The following PIK3CB variants were observed in gnomAD, a reference collection of about 807,000 sequenced individuals.
PIK3CB encodes phosphatidylinositol-4,5-bisphosphate 3-kinase catalytic subunit beta.
In PIK3CB, 39 loss-of-function variants were observed where a neutral mutation model predicts 136.8. That is an observed-to-expected ratio of 0.29 (90% CI 0.22 to 0.37). PIK3CB has a LOEUF of 0.37. Among genes scored for constraint, PIK3CB ranks in the 10% least tolerant of loss-of-function variants. The pLI is 1.00. For synonymous variants in PIK3CB, 428 were observed against 436.6 expected, an observed-to-expected ratio of 0.98 and a Z score of 0.25; for missense variants, 868 against 1,275.4, an observed-to-expected ratio of 0.68 and a Z score of 4.87.
At chr3:138,785,825 T>TAA (rs1039124528) in intron 2 of PIK3CB, among the ~76,000 whole-genome samples, 3 of 117,168 alleles carry the variant, frequency 2.6e-5, no homozygotes, top group Non-Finnish European at 5.5e-5. Flanking sequence ...AATAAATACT[T>TAA]AAAAAAAAAA....
At chr3:138,754,310 T>C (rs2108714924) in intron 4 of PIK3CB, among the ~76,000 whole-genome samples, 1 of 152,124 alleles carries the variant, frequency 6.6e-6, no homozygotes, top group East Asian at 1.9e-4. Context: ...GGCTTGCATC[T>C]GTATGTAGTC....
At chr3:138,795,408 ATCACCTGAGG>A (rs2046098488) in intron 2 of PIK3CB, among the ~76,000 whole-genome samples, 1 of 151,572 alleles carries the variant, frequency 6.6e-6, no homozygotes, top group Admixed American at 6.6e-5. Flanking sequence ...AGGCGGGCAG[ATCACCTGAGG>A]TCAGCAGTTC....
intron 1 of PIK3CB, among the ~76,000 whole-genome samples, chr3:138,806,021 C>T (rs990902340): frequency 6.6e-6 from 1 of 151,998 alleles, no homozygotes; most frequent in African/African-American, 2.4e-5. Context: ...AGCCACCGCG[C>T]CCGGCCCCAT....
rs377269764 is a variant in PIK3CB at position 138,733,559 on chromosome 3, AC to A, written c.973-122del. On this transcript the variant is annotated intron_variant, in intron 7 of 23. Coordinates refer to ENST00000674063, the MANE Select transcript of PIK3CB (RefSeq NM_006219.3). ...CAAAACTATGAAAATAGAGCTCTAA[AC>A]TAACAACTGAAAGTCACATATACTA... The A allele has an allele frequency of 4.0e-4, 215 of 540,344 alleles. No individual in the cohort carries two copies. In the East Asian group the frequency reaches 6.4e-3, roughly 16 times the overall value. 33.5% of individuals were successfully genotyped at this position (540,344 alleles called of 1,614,324 possible).
intron 8 of PIK3CB, among the ~76,000 whole-genome samples, chr3:138,722,221 G>C (rs1360927923): frequency 1.9e-4 from 27 of 144,222 alleles, no homozygotes; most frequent in Non-Finnish European, 2.4e-4. Flanking sequence ...CTATGTAAGA[G>C]ACACACACAC....
chr3:138,742,565 T>A lies in PIK3CB; in HGVS notation c.614A>T (p.Asn205Ile). ...AAAAAAATATAATCCTACCTGGCAGTTTTCAAAATGAACAGCTACGATGAG... is the reference window on the plus strand; with the variant it reads ...AAAAAAATATAATCCTACCTGGCAGATTTCAAAATGAACAGCTACGATGAG... The part of the protein sequence containing the change: ...GKLIVAVHFE[N>I]CQDVFSFQVS... The change falls in exon 5 of 24, where the codon AAC (asparagine) becomes ATC (isoleucine). Residue 205 changes from asparagine to isoleucine, a missense_variant. By Grantham distance (149) the Asn-to-Ile change is moderately radical. Coordinates refer to ENST00000674063, the MANE Select transcript of PIK3CB (RefSeq NM_006219.3). 6.7e-7 allele frequency: 1 copy of A among 1,498,258 alleles called. No homozygotes were observed. The highest frequency in any genetic ancestry group is 9.2e-7 in the Non-Finnish European group (1 of 1,089,306). 92.8% of individuals were successfully genotyped at this position (1,498,258 alleles called of 1,614,324 possible).
chr3:138,684,979 C>T (rs995957589), intron 16 of PIK3CB, 176 bp from the exon 17 acceptor site: 4 of 519,324 alleles, frequency 7.7e-6, no homozygotes, highest in Admixed American at 7.2e-5. Context: ...ATACAATAAA[C>T]TTATTTTTAA....
intron 6 of PIK3CB, among the ~76,000 whole-genome samples, chr3:138,737,286 G>C (rs1032979656): frequency 6.6e-6 from 1 of 150,650 alleles, no homozygotes; most frequent in South Asian, 2.1e-4. Flanking sequence ...CCAACTACTC[G>C]GGTGGCTGAG....
At chr3:138,659,570 C>T (rs1485428381) in intron 21 of PIK3CB, among the ~76,000 whole-genome samples, 3 of 151,934 alleles carry the variant, frequency 2.0e-5, no homozygotes, top group Admixed American at 2.0e-4. Context: ...ATCATTTTCC[C>T]TCAAAATTAT....
chr3:138,731,684 C>G (rs1451004549), intron 8 of PIK3CB, among the ~76,000 whole-genome samples: 1 of 151,782 alleles, frequency 6.6e-6, no homozygotes, highest in African/African-American at 2.4e-5. Flanking sequence ...TAAACATGCT[C>G]ATTAAAAAGA....
chr3:138,828,307 T>TC (rs971397758), intron 1 of PIK3CB, among the ~76,000 whole-genome samples: 4 of 148,386 alleles, frequency 2.7e-5, no homozygotes, highest in African/African-American at 9.9e-5. Context: ...TGCCTCAGCC[T>TC]CCCGAGTAGC....
chr3:138,805,396 C>T (rs768200797), intron 1 of PIK3CB, among the ~76,000 whole-genome samples: 18 of 150,294 alleles, frequency 1.2e-4, no homozygotes, highest in Non-Finnish European at 2.5e-4. Context: ...AGGGGTCGGG[C>T]ACGGTGGCTC....
chr3:138,819,510 T>C (rs1269160032), intron 1 of PIK3CB, among the ~76,000 whole-genome samples: 2 of 152,210 alleles, frequency 1.3e-5, no homozygotes, highest in Admixed American at 1.3e-4. Flanking sequence ...AACCATGCCA[T>C]TTTTATATTT....
At chr3:138,695,334 G>C (rs2044112756) in intron 13 of PIK3CB, among the ~76,000 whole-genome samples, 1 of 152,196 alleles carries the variant, frequency 6.6e-6, no homozygotes, top group African/African-American at 2.4e-5. Context: ...ATGGCAAATA[G>C]ATGGCAGTGG....
intron 2 of PIK3CB, among the ~76,000 whole-genome samples, chr3:138,790,708 G>A (rs2046038467): frequency 6.6e-6 from 1 of 151,510 alleles, no homozygotes; most frequent in South Asian, 2.1e-4. Context: ...CAGCTACTCG[G>A]GAGGCTGAGG....
At chr3:138,746,530 G>A (rs979907866) in intron 4 of PIK3CB, among the ~76,000 whole-genome samples, 2 of 151,848 alleles carry the variant, frequency 1.3e-5, no homozygotes, top group East Asian at 1.9e-4. Context: ...GAGTGGTGGC[G>A]GGGACCTGTA....
chr3:138,818,179 A>G (rs1185951303), intron 1 of PIK3CB, among the ~76,000 whole-genome samples: 3 of 152,156 alleles, frequency 2.0e-5, no homozygotes, highest in Non-Finnish European at 4.4e-5. Flanking sequence ...CAGTTTGACC[A>G]GAGAATAAAA....
chr3:138,719,235 ATTTTTTTTTTTTT>A (rs34980826), intron 8 of PIK3CB, among the ~76,000 whole-genome samples: 6 of 69,558 alleles, frequency 8.6e-5, no homozygotes, highest in East Asian at 5.2e-4. Context: ...TTAGCTCAGT[ATTTTTTTTTTTTT>A]TTTTTTTTTT....
intron 3 of PIK3CB, among the ~76,000 whole-genome samples, chr3:138,757,779 G>C (rs1324392078): frequency 6.6e-6 from 1 of 151,954 alleles, no homozygotes; most frequent in African/African-American, 2.4e-5. Context: ...CCAGTATGTA[G>C]ACAAACTGGA....
Sources: allele counts gnomAD v4.1 joint callset (sites outside exome capture counted in the v4.1 genomes callset), GRCh38; gene constraint gnomAD v4.1.1; transcripts MANE v1.5; gene names NCBI Gene and HGNC (gene_info 2026-07-23, HGNC 2026-07-21).